CDH23: variants seen among roughly 807,000 people sequenced by gnomAD.
CDH23 encodes cadherin-23.
In CDH23, 189 loss-of-function variants were observed where a neutral mutation model predicts 317.1. The ratio of observed to expected loss-of-function variants is 0.60; its 90% CI spans 0.53 to 0.67. The LOEUF is 0.67. CDH23 is among the 30% of genes least tolerant of loss of function. CDH23 has a pLI of 0.00. For missense variants in CDH23, 4,401 were observed against 4,592.4 expected, an observed-to-expected ratio of 0.96 and a Z score of 1.20; for synonymous variants, 1,839 against 1,876.8, an observed-to-expected ratio of 0.98 and a Z score of 0.52.
At chr10:71,797,064 G>A in intron 48 of CDH23, 40 bp from the exon 49 acceptor site, 3 of 1,379,280 alleles carry the variant, frequency 2.2e-6, no homozygotes, top group South Asian at 2.4e-5. Flanking sequence ...GATTTTAGGG[G>A]GTTCTTCTCA....
rs75829560 is a variant in CDH23 at position 71,505,908 on chromosome 10, A to T, written c.146-4174A>T. ...ATACATCCAAAATAATTAAAAACAGATGTTCAAACAAAAACTTGTACATAA... is the reference window on the plus strand; with the variant it reads ...ATACATCCAAAATAATTAAAAACAGTTGTTCAAACAAAAACTTGTACATAA... On this transcript the variant is annotated intron_variant, in intron 3 of 69. Coordinates refer to ENST00000224721, the MANE Select transcript of CDH23 (RefSeq NM_022124.6). Among the ~76,000 whole-genome samples the T allele has an allele frequency of 3.1e-4, 47 of 152,346 alleles. No individual in the cohort carries two copies. In the East Asian group the frequency reaches 7.7e-3, roughly 25 times the overall value.
chr10:71,672,590 G>T (rs1378583072), intron 14 of CDH23, among the ~76,000 whole-genome samples: 1 of 152,168 alleles, frequency 6.6e-6, no homozygotes, highest in Non-Finnish European at 1.5e-5. Context: ...CGCAGCCTGG[G>T]CAGGCAGTGA....
intron 1 of CDH23, among the ~76,000 whole-genome samples, chr10:71,439,554 C>T (rs1041233306): frequency 1.3e-5 from 2 of 152,196 alleles, no homozygotes; most frequent in South Asian, 2.1e-4. Flanking sequence ...CAGCCAGTCC[C>T]CCAGGAGGGC....
rs1157558761 is a variant in CDH23 at position 71,566,833 on chromosome 10, C to T, written c.521C>T (p.Pro174Leu). 1 of 1,614,008 alleles carries T rather than the reference C, an allele frequency of 6.2e-7. No homozygotes were observed. Among genetic ancestry groups the T allele is most frequent in the Non-Finnish European group, 8.5e-7 (1 of 1,179,882 alleles). ...AGCGTCCTCTACTCCTTCCAGCCCC[C>T]CTCCCAATTCTTCGCCATTGACAGC... Reference protein sequence around the residue: ...GGSVLYSFQPPSQFFAIDSAR... With the variant: ...GGSVLYSFQPLSQFFAIDSAR... Residue 174 changes from proline (P) to leucine (L), a missense_variant, in exon 7 of 70, where the codon CCC (proline) becomes CTC (leucine). This residue lies in a region of CDH23 where 3,068 missense variants were observed against 3,203.3 expected (regional missense o/e 0.96). Transcript: ENST00000224721.
In CDH23 at chr10:71,510,062, C is replaced by G. The variant is rs1853870390; in HGVS notation, c.146-20C>G. ...TGACCTCTCTTATTTTCCCTCTGCT[C>G]TCTCCCTTGGCTACTCCAGGTTCTT... On this transcript the variant is annotated intron_variant, in intron 3 of 69. Transcript: ENST00000224721. 1 of 1,613,988 alleles carries G rather than the reference C, an allele frequency of 6.2e-7. No individual in the cohort carries two copies. The highest frequency in any genetic ancestry group is 1.1e-5 in the South Asian group (1 of 91,078).
intron 52 of CDH23, among the ~76,000 whole-genome samples, chr10:71,799,899 T>A (rs958830954): frequency 6.6e-6 from 1 of 152,194 alleles, no homozygotes; most frequent in Admixed American, 6.5e-5. Flanking sequence ...AGATGTGTCC[T>A]CTCCACACTA....
chr10:71,421,164 CTT>C (rs1267834139), intron 1 of CDH23, among the ~76,000 whole-genome samples: 1 of 152,264 alleles, frequency 6.6e-6, no homozygotes, highest in Non-Finnish European at 1.5e-5. Flanking sequence ...GTGATCCCCT[CTT>C]TGTTTGCAGG....
chr10:71,464,307 G>A (rs528885976), intron 3 of CDH23, among the ~76,000 whole-genome samples: 4 of 152,202 alleles, frequency 2.6e-5, no homozygotes, highest in Non-Finnish European at 5.9e-5. Flanking sequence ...AGATATTTAT[G>A]TCCGCCTCTG....
chr10:71,752,089 C>T lies in CDH23; in HGVS notation c.4845+10168C>T, dbSNP rs1002576115. On this transcript the variant is annotated intron_variant, in intron 38 of 69. Coordinates refer to ENST00000224721, the MANE Select transcript of CDH23 (RefSeq NM_022124.6). ...GGGCATCAGGGCCCACCAGAACAGA[C>T]CCCAGCTCCTCCCTGTGGTCTGACC... The T allele has an allele frequency of 1.5e-5, 10 of 685,876 alleles. No individual in the cohort carries two copies. In the Admixed American group the frequency reaches 1.6e-4, roughly 11 times the overall value. The allele number at this position is 685,876 out of a possible 1,614,324, so 42.5% of individuals were successfully genotyped here.
At chr10:71,644,671 C>A (rs1042752676) in intron 12 of CDH23, among the ~76,000 whole-genome samples, 1 of 152,212 alleles carries the variant, frequency 6.6e-6, no homozygotes, top group East Asian at 1.9e-4. Flanking sequence ...ATACCCTAAG[C>A]AACCAAGATG....
At chr10:71,480,771 G>A (rs1267890990) in intron 3 of CDH23, among the ~76,000 whole-genome samples, 4 of 151,978 alleles carry the variant, frequency 2.6e-5, no homozygotes, top group Non-Finnish European at 5.9e-5. Context: ...GGATGGGGGC[G>A]GCTGTGTGGT....
chr10:71,690,033 C>A (rs999736567), intron 19 of CDH23, among the ~76,000 whole-genome samples: 3 of 152,138 alleles, frequency 2.0e-5, no homozygotes, highest in African/African-American at 7.2e-5. Context: ...AAATAAAAAC[C>A]CTTATAAATT....
intron 1 of CDH23, among the ~76,000 whole-genome samples, chr10:71,403,391 CTTT>C (rs1847908396): frequency 9.4e-6 from 1 of 106,766 alleles, no homozygotes; most frequent in Non-Finnish European, 1.8e-5. Flanking sequence ...TTCTTTCTTT[CTTT>C]CTTTCTTTCT....
At chr10:71,676,277 C>T (rs1009442447) in intron 15 of CDH23, among the ~76,000 whole-genome samples, 1 of 151,878 alleles carries the variant, frequency 6.6e-6, no homozygotes, top group Non-Finnish European at 1.5e-5. Flanking sequence ...GTGAGTGAGG[C>T]GGTGGGTGTC....
At chr10:71,531,254 C>G (rs1347661019) in intron 6 of CDH23, among the ~76,000 whole-genome samples, 4 of 152,214 alleles carry the variant, frequency 2.6e-5, no homozygotes, top group Non-Finnish European at 5.9e-5. Context: ...GGCCTCAGAG[C>G]TGTCCTTCAT....
At chr10:71,536,710 G>A (rs1451083981) in intron 6 of CDH23, among the ~76,000 whole-genome samples, 2 of 152,128 alleles carry the variant, frequency 1.3e-5, no homozygotes, top group African/African-American at 2.4e-5. Flanking sequence ...GACCCAAACG[G>A]GTCAGTAGGG....
chr10:71,651,567 A>AAAAACC (rs1285919065), intron 14 of CDH23, among the ~76,000 whole-genome samples: 1 of 149,676 alleles, frequency 6.7e-6, no homozygotes. Context: ...AAAAAAAAAA[A>AAAAACC]CCACTGGAGG....
chr10:71,578,129 G>A (rs1858350623), intron 9 of CDH23, 137 bp downstream of exon 9: 6 of 816,732 alleles, frequency 7.3e-6, no homozygotes, highest in East Asian at 2.7e-5. Flanking sequence ...TGACTACAGG[G>A]ACAGTCCTCG....
At chr10:71,502,540 T>C (rs1853395292) in intron 3 of CDH23, among the ~76,000 whole-genome samples, 1 of 152,076 alleles carries the variant, frequency 6.6e-6, no homozygotes, top group Non-Finnish European at 1.5e-5. Flanking sequence ...CTTCAAGGGG[T>C]GATGGCCTCT....
Sources: gnomAD v4.1 joint callset for allele counts (sites outside exome capture counted in the v4.1 genomes callset) on GRCh38, gnomAD v4.1.1 for gene constraint, gnomAD v4.1.1 regional missense constraint, MANE v1.5 for transcripts, NCBI Gene and HGNC (gene_info 2026-07-23, HGNC 2026-07-21) for gene names.